The following PCSK2 variants were observed in gnomAD, a reference collection of about 807,000 sequenced individuals.
PCSK2 encodes the protein proprotein convertase subtilisin/kexin type 2, also known as neuroendocrine convertase 2.
Under a neutral mutation model 69.7 loss-of-function variants are expected in PCSK2, and 14 were observed. The ratio of observed to expected loss-of-function variants is 0.20; its 90% CI spans 0.13 to 0.31. PCSK2 has a LOEUF of 0.31. Ranked by LOEUF, PCSK2 falls within the 10% of genes least tolerant of loss-of-function variation. The pLI, the probability that PCSK2 is intolerant of heterozygous loss-of-function variation, is 1.00. For missense variants in PCSK2, 544 were observed against 842.5 expected, an observed-to-expected ratio of 0.65 and a Z score of 4.39; for synonymous variants, 307 against 320.7, an observed-to-expected ratio of 0.96 and a Z score of 0.46.
At chr20:17,289,054 G>A (rs1988610932) in intron 2 of PCSK2, among the ~76,000 whole-genome samples, 1 of 152,176 alleles carries the variant, frequency 6.6e-6, no homozygotes, top group Admixed American at 6.5e-5. Context: ...CTAGAAAGAA[G>A]CATTTCCTTT....
chr20:17,241,737 A>G (rs1158499486), intron 1 of PCSK2, among the ~76,000 whole-genome samples: 2 of 152,218 alleles, frequency 1.3e-5, no homozygotes, highest in Non-Finnish European at 2.9e-5. Flanking sequence ...AGCTAAGAAC[A>G]AAACAATTAA....
intron 1 of PCSK2, among the ~76,000 whole-genome samples, chr20:17,238,750 G>A (rs1021778821): frequency 2.6e-5 from 4 of 151,974 alleles, no homozygotes; most frequent in African/African-American, 9.7e-5. Flanking sequence ...CATTTTACCC[G>A]TAGAATTTTT....
At chr20:17,407,037 G>A (rs570841915) in intron 5 of PCSK2, among the ~76,000 whole-genome samples, 19 of 152,202 alleles carry the variant, frequency 1.2e-4, no homozygotes, top group South Asian at 1.0e-3. Flanking sequence ...CTGACCACCC[G>A]AATGTCCTAG....
chr20:17,277,137 T>C (rs1262430644), intron 2 of PCSK2, among the ~76,000 whole-genome samples: 2 of 152,108 alleles, frequency 1.3e-5, no homozygotes, highest in African/African-American at 4.8e-5. Context: ...AAAATGGCCA[T>C]ACTGCCCAAG....
At chr20:17,379,984 G>T (rs1200757448) in intron 5 of PCSK2, among the ~76,000 whole-genome samples, 1 of 152,164 alleles carries the variant, frequency 6.6e-6, no homozygotes, top group Non-Finnish European at 1.5e-5. Context: ...AGGAATGGCG[G>T]ACTCCCTGGG....
chr20:17,406,459 TATC>T (rs957844134), intron 5 of PCSK2, among the ~76,000 whole-genome samples: 2 of 150,870 alleles, frequency 1.3e-5, no homozygotes, highest in Admixed American at 6.6e-5. Context: ...GTTCCTGAGT[TATC>T]ATCCATTTCA....
chr20:17,479,618 T>C (rs1364825404), intron 11 of PCSK2, among the ~76,000 whole-genome samples: 1 of 151,802 alleles, frequency 6.6e-6, no homozygotes, highest in Non-Finnish European at 1.5e-5. Flanking sequence ...GCTAACACGG[T>C]GAAACTCCGT....
intron 5 of PCSK2, among the ~76,000 whole-genome samples, chr20:17,375,453 A>G (rs546469433): frequency 1.1e-4 from 17 of 152,314 alleles, no homozygotes; most frequent in African/African-American, 4.1e-4. Flanking sequence ...GATGTAATGA[A>G]GGATGCCCCC....
rs377467356 is a variant in PCSK2 at position 17,362,647 on chromosome 20, G to A, written c.505+2007G>A. Reference sequence around the variant, plus strand: ...ACTCCCAAGAGTAGGCCTTCCAAAAGAGAAGAAGCAGAAGCTGCCAGTCCT... The same window carrying A: ...ACTCCCAAGAGTAGGCCTTCCAAAAAAGAAGAAGCAGAAGCTGCCAGTCCT... On this transcript the variant is annotated intron_variant, in intron 4 of 11. Coordinates refer to ENST00000262545, the MANE Select transcript of PCSK2 (RefSeq NM_002594.5). 3.9e-5 allele frequency among the ~76,000 whole-genome samples: 6 copies of A among 152,234 alleles called. No individual in the cohort carries two copies. In the East Asian group the frequency reaches 5.8e-4, roughly 15 times the overall value.
chr20:17,484,378 G>A lies in PCSK2; in HGVS notation c.*2308G>A, dbSNP rs1422690808. ...TGCATCAGTATTAATACTAAAATAT[G>A]TCTCGCTAGTGATGTTTTTATGATA... is the stretch of plus-strand genomic sequence containing the variant. On this transcript the variant is annotated 3_prime_UTR_variant, in exon 12 of 12. Transcript: ENST00000262545. 6.6e-6 allele frequency: 1 copy of A among 152,386 alleles called. No individual in the cohort carries two copies. The highest frequency in any genetic ancestry group is 2.4e-5 in the African/African-American group (1 of 41,412). The allele number at this position is 152,386 out of a possible 1,614,324, so 9.4% of individuals were successfully genotyped here. A position where few individuals can be genotyped will look rare whatever the true frequency, so the allele number is the denominator to read the frequency against.
Position 17,481,701 on chromosome 20 carries a change from C to T in PCSK2, c.1548C>T (p.Thr516=). The part of the protein sequence containing the change: ...HVQAVITVNA[T]RRGDLNINMT... ...AGGCTGTCATCACGGTCAACGCAAC[C>T]AGAAGAGGAGACCTGAACATCAACA... Residue 516 remains threonine, a synonymous_variant, in exon 12 of 12, where the codon ACC becomes ACT. Transcript: ENST00000262545. The T allele has an allele frequency of 6.2e-7, 1 of 1,614,150 alleles. No individual in the cohort carries two copies. Among genetic ancestry groups the T allele is most frequent in the Non-Finnish European group, 8.5e-7 (1 of 1,180,028 alleles).
intron 2 of PCSK2, among the ~76,000 whole-genome samples, chr20:17,354,675 A>T (rs2030134417): frequency 1.3e-5 from 2 of 152,200 alleles, no homozygotes; most frequent in Non-Finnish European, 2.9e-5. Flanking sequence ...ACATTTAGGT[A>T]GCCATTAGTA....
chr20:17,437,144 G>T (rs1322559452), intron 8 of PCSK2, among the ~76,000 whole-genome samples: 3 of 152,188 alleles, frequency 2.0e-5, no homozygotes, highest in Non-Finnish European at 4.4e-5. Context: ...GGCCGGGGGG[G>T]GGAGGGTCTC....
intron 5 of PCSK2, among the ~76,000 whole-genome samples, chr20:17,395,168 G>A (rs1051255584): frequency 1.6e-4 from 24 of 152,096 alleles, no homozygotes; most frequent in African/African-American, 5.8e-4. Context: ...TCTTAGCAAT[G>A]TTATCCTAAA....
intron 2 of PCSK2, among the ~76,000 whole-genome samples, chr20:17,278,295 C>G (rs1350976973): frequency 6.6e-6 from 1 of 152,096 alleles, no homozygotes; most frequent in East Asian, 1.9e-4. Context: ...GCACTATTCA[C>G]AATAGCAAAG....
intron 2 of PCSK2, among the ~76,000 whole-genome samples, chr20:17,278,064 G>A (rs1328278996): frequency 6.6e-6 from 1 of 152,108 alleles, no homozygotes; most frequent in African/African-American, 2.4e-5. Context: ...AAAAAGTCAG[G>A]AAACAACAGG....
intron 2 of PCSK2, among the ~76,000 whole-genome samples, chr20:17,297,564 GGGTCTCTTTCCA>G (rs1988936142): frequency 6.6e-6 from 1 of 152,242 alleles, no homozygotes; most frequent in Non-Finnish European, 1.5e-5. Context: ...GGGTTGCCAT[GGGTCTCTTTCCA>G]GGACTAGCCC....
At chr20:17,313,526 T>C (rs950432680) in intron 2 of PCSK2, among the ~76,000 whole-genome samples, 1 of 152,032 alleles carries the variant, frequency 6.6e-6, no homozygotes, top group Non-Finnish European at 1.5e-5. Context: ...ACTCACTTTG[T>C]AGGAAAAGCA....
At chr20:17,429,056 C>T (rs1396378915) in intron 6 of PCSK2, among the ~76,000 whole-genome samples, 2 of 127,068 alleles carry the variant, frequency 1.6e-5, no homozygotes, top group East Asian at 5.1e-4. Context: ...ATAAAGTGGA[C>T]TTTTCATGGT....
Sources: gnomAD v4.1 joint callset for allele counts (sites outside exome capture counted in the v4.1 genomes callset) on GRCh38, gnomAD v4.1.1 for gene constraint, MANE v1.5 for transcripts, NCBI Gene and HGNC (gene_info 2026-07-23, HGNC 2026-07-21) for gene names.